The following FRMPD1 variants were observed in gnomAD, a reference collection of about 807,000 sequenced individuals.
FRMPD1 encodes the protein FERM and PDZ domain-containing protein 1.
FRMPD1 carries 76 observed loss-of-function variants against 117.8 expected under a neutral mutation model. The ratio of observed to expected loss-of-function variants is 0.65; its 90% CI spans 0.54 to 0.78. The LOEUF (loss-of-function observed/expected upper bound fraction) is 0.78, where lower values mean the gene tolerates loss of function less well. Ranked by LOEUF, FRMPD1 falls within the 30% of genes least tolerant of loss-of-function variation. FRMPD1 has a pLI of 0.00. For synonymous variants in FRMPD1, 783 were observed against 770.4 expected (o/e 1.02, Z -0.27); for missense variants, 1,786 against 1,964.5 (o/e 0.91, Z 1.72).
intron 9 of FRMPD1, 95 bp downstream of exon 9, chr9:37,731,198 T>C: frequency 9.4e-7 from 1 of 1,067,850 alleles, no homozygotes; most frequent in Non-Finnish European, 1.4e-6. Context: ...ATTAAACAAC[T>C]CCCTGGTAGG....
At chr9:37,636,375 G>T in the FRMPD1 span, among the ~76,000 whole-genome samples, 1 of 152,168 alleles carries the variant, frequency 6.6e-6, no homozygotes, top group African/African-American at 2.4e-5. Context: ...GGGGTGGGAG[G>T]GAGACCGACA....
intron 15 of FRMPD1, among the ~76,000 whole-genome samples, chr9:37,743,917 C>T (rs1191343965): frequency 2.0e-5 from 3 of 148,774 alleles, no homozygotes; most frequent in Admixed American, 6.7e-5. Context: ...AAAAAAAAGT[C>T]GGCCAGGCGC....
Position 37,740,285 on chromosome 9 carries a change from A to C in FRMPD1, c.1757A>C (p.Glu586Ala). 1 of 1,613,888 alleles carries C rather than the reference A, an allele frequency of 6.2e-7. No homozygotes were observed. Among genetic ancestry groups the C allele is most frequent in the Non-Finnish European group, 8.5e-7 (1 of 1,180,014 alleles). ...CGASSTTDSA[E>A]SEASDSANTE... ...GCCAGCAGCACGACAGACAGTGCCG[A>C]GTCCGAGGCGTCCGACTCAGCCAAC... Residue 586 changes from glutamate to alanine, a missense_variant, in exon 15 of 16, where the codon GAG (glutamate) becomes GCG (alanine). Glu to Ala is a moderately radical substitution (Grantham distance 107, BLOSUM62 -1). Coordinates refer to ENST00000377765, the MANE Select transcript of FRMPD1 (RefSeq NM_014907.3). This position sits in a 1 kb window ranked among gnomAD's most constrained non-coding sequence, Gnocchi z 4.2.
chr9:37,610,928 T>C, the FRMPD1 span, among the ~76,000 whole-genome samples: 11 of 152,312 alleles, frequency 7.2e-5, no homozygotes, highest in Admixed American at 7.2e-4. Context: ...CAAAGATACA[T>C]TGTATTTTAT....
intron 5 of FRMPD1, among the ~76,000 whole-genome samples, chr9:37,711,621 G>A (rs534567438): frequency 2.6e-5 from 4 of 152,198 alleles, no homozygotes; most frequent in Admixed American, 6.5e-5. Context: ...TTATGGTCCA[G>A]CTGAGGAGAT....
chr9:37,657,605 C>T (rs1820879677), intron 1 of FRMPD1, among the ~76,000 whole-genome samples: 1 of 152,130 alleles, frequency 6.6e-6, no homozygotes, highest in African/African-American at 2.4e-5. Context: ...GGGTGAGGGA[C>T]ATTTTATGTA....
At chr9:37,676,439 T>G (rs1033407819) in intron 1 of FRMPD1, among the ~76,000 whole-genome samples, 3 of 152,178 alleles carry the variant, frequency 2.0e-5, no homozygotes, top group Non-Finnish European at 4.4e-5. Flanking sequence ...GGCAGAATGC[T>G]TAATTAGGGC....
intron 7 of FRMPD1, among the ~76,000 whole-genome samples, chr9:37,729,120 C>T (rs150813869): frequency 4.1e-4 from 63 of 151,876 alleles, no homozygotes; most frequent in African/African-American, 1.4e-3. Flanking sequence ...TGGTGGCAAA[C>T]GCCTATAATT....
In FRMPD1 at chr9:37,654,687, T is replaced by A. The variant is rs548044620; in HGVS notation, c.-5+3593T>A. On this transcript the variant is annotated intron_variant, in intron 1 of 15. Transcript: ENST00000377765. The stretch of plus-strand genomic sequence containing the variant: ...AGAGAAGGAGGAAACTGTTCCAGGC[T>A]GAAGGAACAGCAAATGCTAAGGCCT... Among the ~76,000 whole-genome samples the A allele has an allele frequency of 7.2e-5, 11 of 152,342 alleles. No individual in the cohort carries two copies. In the South Asian group the frequency reaches 2.3e-3, roughly 32 times the overall value.
intron 1 of FRMPD1, among the ~76,000 whole-genome samples, chr9:37,655,496 CTTTTTTTTTTTT>C (rs10615941): frequency 3.4e-4 from 30 of 88,598 alleles, no homozygotes; most frequent in Non-Finnish European, 4.7e-4. Flanking sequence ...TGTCCCCACT[CTTTTTTTTTTTT>C]TTTTTTTTTT....
chr9:37,698,259 C>A lies in FRMPD1; in HGVS notation c.101+5517C>A, dbSNP rs1352183741. 2.6e-5 allele frequency among the ~76,000 whole-genome samples: 4 copies of A among 152,136 alleles called. No homozygotes were observed. In the East Asian group the frequency reaches 7.7e-4, roughly 29 times the overall value. On this transcript the variant is annotated intron_variant, in intron 2 of 15. Coordinates refer to ENST00000377765, the MANE Select transcript of FRMPD1 (RefSeq NM_014907.3). Reference sequence around the variant, plus strand: ...TAGCTTAAAATGTTTATATTTAATTCTTTAAGTTGGAGTTTATTTTAGTAT... The same window carrying A: ...TAGCTTAAAATGTTTATATTTAATTATTTAAGTTGGAGTTTATTTTAGTAT...
At chr9:37,733,987 T>G (rs1034145028) in intron 12 of FRMPD1, among the ~76,000 whole-genome samples, 162 bp downstream of exon 12, 1 of 152,152 alleles carries the variant, frequency 6.6e-6, no homozygotes, top group African/African-American at 2.4e-5. Flanking sequence ...TTACCACGCG[T>G]TTGCTTGGTG....
chr9:37,674,997 A>G (rs114786869), intron 1 of FRMPD1, among the ~76,000 whole-genome samples: 1,805 of 152,318 alleles, frequency 0.012, 34 homozygotes, highest in African/African-American at 0.041. Context: ...GTGACATTAT[A>G]GAGTTGTATA....
chr9:37,732,818 C>G (rs985375263), intron 10 of FRMPD1, among the ~76,000 whole-genome samples: 1 of 152,190 alleles, frequency 6.6e-6, no homozygotes, highest in Non-Finnish European at 1.5e-5. Flanking sequence ...TCCACTAGAG[C>G]AGTTTCAAGT....
At chr9:37,639,179 C>T in the FRMPD1 span, among the ~76,000 whole-genome samples, 16 of 152,358 alleles carry the variant, frequency 1.1e-4, no homozygotes, top group South Asian at 3.1e-3. Flanking sequence ...TGTACAACTT[C>T]TCAAACCTTG....
the FRMPD1 span, among the ~76,000 whole-genome samples, chr9:37,618,941 G>A: frequency 3.3e-5 from 5 of 152,126 alleles, no homozygotes; most frequent in Admixed American, 1.3e-4. Context: ...CTTCTGTTGC[G>A]TAGCTTTCCT....
At position 37,735,693 on chromosome 9, in the gene FRMPD1, G is replaced by A; in HGVS notation, c.1360G>A (p.Glu454Lys). The A allele has an allele frequency of 6.2e-7, 1 of 1,613,764 alleles. No individual in the cohort carries two copies. The change falls in exon 13 of 16, where the codon GAG (glutamate) becomes AAG (lysine). Residue 454 changes from glutamate to lysine, a missense_variant. Coordinates refer to ENST00000377765, the MANE Select transcript of FRMPD1 (RefSeq NM_014907.3). Reference protein sequence around the residue: ...ISRVELTEESEKVSVVKVYLQ... With the variant: ...ISRVELTEESKKVSVVKVYLQ... ...CCGTGTAGAGCTAACGGAAGAGTCT[G>A]AGAAAGTGAGCGTCGTCAAAGTGTA...
chr9:37,608,078 T>A, the FRMPD1 span, among the ~76,000 whole-genome samples: 1 of 152,246 alleles, frequency 6.6e-6, no homozygotes, highest in Non-Finnish European at 1.5e-5. Context: ...TCAGTTCTCA[T>A]GCTGCATTGC....
chr9:37,733,530 C>T lies in FRMPD1; in HGVS notation c.1053C>T (p.Gly351=). The T allele has an allele frequency of 6.2e-7, 1 of 1,613,356 alleles. No individual in the cohort carries two copies. Among genetic ancestry groups the T allele is most frequent in the Non-Finnish European group, 8.5e-7 (1 of 1,179,340 alleles). The change falls in exon 11 of 16, where the codon GGC becomes GGT. Residue 351 remains glycine, a synonymous_variant. Coordinates refer to ENST00000377765, the MANE Select transcript of FRMPD1 (RefSeq NM_014907.3). Reference sequence around the variant, plus strand: ...CAACTTTACTCCGAAACATGAAAGGCAAAGACATCAAGAAAGCCATTAGCT... The same window carrying T: ...CAACTTTACTCCGAAACATGAAAGGTAAAGACATCAAGAAAGCCATTAGCT... ...ISPTLLRNMK[G]KDIKKAISFH... is the part of the protein sequence containing the mutation.
Sources: allele counts gnomAD v4.1 joint callset (sites outside exome capture counted in the v4.1 genomes callset), GRCh38; gene constraint gnomAD v4.1.1; non-coding constraint Gnocchi (gnomAD v3.1); transcripts MANE v1.5; gene names NCBI Gene and HGNC (gene_info 2026-07-23, HGNC 2026-07-21).